PRKCA: variants seen among roughly 807,000 people sequenced by gnomAD.
The protein encoded by PRKCA is protein kinase C alpha, also known as protein kinase C alpha type.
Under a neutral mutation model 87.0 loss-of-function variants are expected in PRKCA, and 27 were observed. The observed-to-expected ratio is 0.31, with a 90% CI of 0.23 to 0.43. The LOEUF is 0.43. Ranked by LOEUF, PRKCA falls within the 20% of genes least tolerant of loss-of-function variation. The pLI is 1.00. For synonymous variants in PRKCA, 329 were observed against 311.1 expected, an observed-to-expected ratio of 1.06 and a Z score of -0.61; for missense variants, 518 against 852.3, an observed-to-expected ratio of 0.61 and a Z score of 4.88.
At chr17:66,618,552 TA>T (rs923341947) in intron 3 of PRKCA, among the ~76,000 whole-genome samples, 3 of 152,140 alleles carry the variant, frequency 2.0e-5, no homozygotes, top group East Asian at 1.9e-4. Context: ...ATTATGATTT[TA>T]AAAAACTTTA....
chr17:66,446,232 C>G (rs906121936), intron 2 of PRKCA, among the ~76,000 whole-genome samples: 1 of 118,030 alleles, frequency 8.5e-6, no homozygotes, highest in Non-Finnish European at 2.0e-5. Context: ...GATAGACTCT[C>G]TTCCCAACAC....
chr17:66,628,271 C>A (rs1222214248), intron 3 of PRKCA, among the ~76,000 whole-genome samples: 1 of 152,042 alleles, frequency 6.6e-6, no homozygotes, highest in East Asian at 1.9e-4. Flanking sequence ...AAGACACTTG[C>A]ACAGTGTGTG....
At chr17:66,732,544 G>C (rs565260308) in intron 8 of PRKCA, 144 bp from the exon 9 acceptor site, 2 of 964,530 alleles carry the variant, frequency 2.1e-6, no homozygotes, top group South Asian at 2.8e-5. Flanking sequence ...TATCTGAACA[G>C]GTACTCAATT....
At chr17:66,537,124 C>A (rs1043996375) in intron 3 of PRKCA, among the ~76,000 whole-genome samples, 1 of 152,142 alleles carries the variant, frequency 6.6e-6, no homozygotes, top group Non-Finnish European at 1.5e-5. Flanking sequence ...ATTTAGCATG[C>A]GTCCAGGAAT....
intron 2 of PRKCA, among the ~76,000 whole-genome samples, chr17:66,425,129 C>T (rs570000181): frequency 1.3e-5 from 2 of 152,252 alleles, no homozygotes; most frequent in South Asian, 2.1e-4. Context: ...AAGAAATAGT[C>T]GTTGGTCCTG....
chr17:66,540,584 C>A (rs1203485942), intron 3 of PRKCA, among the ~76,000 whole-genome samples: 2 of 152,170 alleles, frequency 1.3e-5, no homozygotes, highest in Non-Finnish European at 2.9e-5. Flanking sequence ...CCCAGCGGGG[C>A]CCTGCTGCAC....
chr17:66,628,022 C>T (rs547442986), intron 3 of PRKCA, among the ~76,000 whole-genome samples: 64 of 152,294 alleles, frequency 4.2e-4, no homozygotes, highest in African/African-American at 1.5e-3. Flanking sequence ...CGGCCAAATG[C>T]CCAAGCCTAA....
chr17:66,336,558 G>C (rs906834657), intron 2 of PRKCA, among the ~76,000 whole-genome samples: 1 of 150,758 alleles, frequency 6.6e-6, no homozygotes, highest in South Asian at 2.1e-4. Context: ...TATTCATTGT[G>C]CTTTGCTCTT....
At chr17:66,677,114 C>G (rs1387706252) in intron 5 of PRKCA, 1 of 54,116 alleles carries the variant, frequency 1.8e-5, no homozygotes, top group Non-Finnish European at 4.1e-5. Context: ...GAGTCTCGCT[C>G]TGTCGCCCAG....
intron 8 of PRKCA, among the ~76,000 whole-genome samples, chr17:66,717,264 C>T (rs998911847): frequency 4.6e-5 from 7 of 152,230 alleles, no homozygotes; most frequent in African/African-American, 1.2e-4. Context: ...AACACCTTCC[C>T]TCCTTTACTC....
intron 13 of PRKCA, among the ~76,000 whole-genome samples, chr17:66,752,463 G>T (rs960183247): frequency 6.6e-6 from 1 of 152,130 alleles, no homozygotes; most frequent in Admixed American, 6.5e-5. Context: ...GGGTGTGGTG[G>T]TGGGCACCTG....
rs1043266877 is a variant in PRKCA, at chr17:66,303,092, G to C, written c.173+68G>C. ...TCCGGGTCCCGGCACCCGGCGCTCCGGCGCGTCCGCCCCGGGGCTGGCTCA... is the reference window on the plus strand; with the variant it reads ...TCCGGGTCCCGGCACCCGGCGCTCCCGCGCGTCCGCCCCGGGGCTGGCTCA... On this transcript the variant is annotated intron_variant, in intron 1 of 16. Coordinates refer to ENST00000413366, the MANE Select transcript of PRKCA (RefSeq NM_002737.3). 2.6e-6 allele frequency: 4 copies of C among 1,568,148 alleles called. No individual in the cohort carries two copies. The Admixed American group carries it at 5.5e-5, about 22-fold the overall frequency.
intron 13 of PRKCA, among the ~76,000 whole-genome samples, chr17:66,744,836 C>A (rs1974237128): frequency 6.6e-6 from 1 of 152,200 alleles, no homozygotes; most frequent in Admixed American, 6.5e-5. Flanking sequence ...AGGGGAGAAC[C>A]TGTTGCCATC....
chr17:66,496,408 G>T, intron 3 of PRKCA, 125 bp downstream of exon 3: 2 of 769,528 alleles, frequency 2.6e-6, no homozygotes, highest in Middle Eastern at 2.4e-4. Flanking sequence ...CTCATAGAGC[G>T]TTGGCTTGTA....
At chr17:66,307,751 TAATA>T (rs1904898254) in intron 2 of PRKCA, among the ~76,000 whole-genome samples, 1 of 152,138 alleles carries the variant, frequency 6.6e-6, no homozygotes, top group Non-Finnish European at 1.5e-5. Context: ...ATTAGCAGAT[TAATA>T]GTTTCATGGC....
intron 3 of PRKCA, among the ~76,000 whole-genome samples, chr17:66,582,104 T>C (rs1490720906): frequency 6.6e-6 from 1 of 152,216 alleles, no homozygotes; most frequent in Non-Finnish European, 1.5e-5. Flanking sequence ...CTCTTTGTCA[T>C]GACATCCTCT....
chr17:66,400,842 C>G (rs1910981562), intron 2 of PRKCA, among the ~76,000 whole-genome samples: 1 of 152,178 alleles, frequency 6.6e-6, no homozygotes, highest in Admixed American at 6.6e-5. Flanking sequence ...TTATGTCAAG[C>G]TTTTCTTCAT....
intron 2 of PRKCA, among the ~76,000 whole-genome samples, chr17:66,426,827 T>C (rs997177236): frequency 8.4e-4 from 128 of 152,280 alleles, no homozygotes; most frequent in Middle Eastern, 3.4e-3. Flanking sequence ...CATGCGTGCA[T>C]GTATCTCCTG....
At chr17:66,632,302 CAG>C (rs1434978730) in intron 3 of PRKCA, among the ~76,000 whole-genome samples, 2 of 152,174 alleles carry the variant, frequency 1.3e-5, no homozygotes, top group African/African-American at 4.8e-5. Context: ...CACACTTTCC[CAG>C]AGTCATTTAC....
Sources: allele counts gnomAD v4.1 joint callset (sites outside exome capture counted in the v4.1 genomes callset), GRCh38; gene constraint gnomAD v4.1.1; transcripts MANE v1.5; gene names NCBI Gene and HGNC (gene_info 2026-07-23, HGNC 2026-07-21).